Variants in ZBTB21 observed in about 807,000 individuals in gnomAD.
ZBTB21 encodes the protein zinc finger and BTB domain containing 21, also known as zinc finger and BTB domain-containing protein 21.
A neutral mutation model predicts 39.8 loss-of-function variants in ZBTB21; 10 were observed. The ratio of observed to expected loss-of-function variants is 0.25; its 90% CI spans 0.16 to 0.43. The LOEUF (loss-of-function observed/expected upper bound fraction) is 0.43. Ranked by LOEUF, ZBTB21 falls within the 20% of genes least tolerant of loss-of-function variation. The pLI, the probability that ZBTB21 is intolerant of heterozygous loss-of-function variation, is 1.00. For missense variants in ZBTB21, 1,221 were observed against 1,296.3 expected (o/e 0.94, Z 0.89); for synonymous variants, 551 against 498.8 (o/e 1.10, Z -1.40).
chr21:42,002,032 G>A (rs141431304), intron 2 of ZBTB21, among the ~76,000 whole-genome samples: 148 of 152,298 alleles, frequency 9.7e-4, no homozygotes, highest in Non-Finnish European at 1.8e-3. Context: ...TGCCCATGAG[G>A]CTGGAGGAAG....
chr21:42,006,084 C>T (rs2065874812), intron 1 of ZBTB21, among the ~76,000 whole-genome samples: 1 of 152,158 alleles, frequency 6.6e-6, no homozygotes, highest in Non-Finnish European at 1.5e-5. Context: ...AAAACAATGA[C>T]TAAAGGTCTC....
chr21:42,002,165 C>T (rs916738078), intron 2 of ZBTB21, among the ~76,000 whole-genome samples: 11 of 152,180 alleles, frequency 7.2e-5, no homozygotes, highest in African/African-American at 2.4e-4. Flanking sequence ...AGATAGGAGA[C>T]AGGGGTAGCT....
chr21:42,009,383 G>A (rs1056704630), intron 1 of ZBTB21: 2 of 152,290 alleles, frequency 1.3e-5, no homozygotes, highest in Non-Finnish European at 2.9e-5. Flanking sequence ...CGAAAAGCCG[G>A]GAAGAGATGT....
Position 41,991,542 on chromosome 21 carries a change from C to T in ZBTB21, c.2554G>A (p.Glu852Lys). Reference sequence around the variant, plus strand: ...TCTTCCGAGTCGAAGTTAACTTGTTCTGAAGAATCACTGAACACGTTGTCG... The same window carrying T: ...TCTTCCGAGTCGAAGTTAACTTGTTTTGAAGAATCACTGAACACGTTGTCG... The part of the protein sequence containing the change: ...KDDNVFSDSS[E>K]QVNFDSEDSS... The change falls in exon 3 of 3, where the codon GAA (glutamate) becomes AAA (lysine). Residue 852 changes from glutamate (E) to lysine (K), a missense_variant. Transcript: ENST00000310826. The surrounding 1 kb of genome is among the most constrained non-coding windows in gnomAD (Gnocchi z 4.9). 1 of 1,614,202 alleles carries T rather than the reference C, an allele frequency of 6.2e-7. No individual in the cohort carries two copies. Among genetic ancestry groups the T allele is most frequent in the Non-Finnish European group, 8.5e-7 (1 of 1,180,044 alleles).
Position 41,986,989 on chromosome 21 carries a change from TAAGTA to T in ZBTB21, c.*3901_*3905del, listed in dbSNP as rs200774845. The stretch of plus-strand genomic sequence containing the variant: ...TTTTCAGTTCGAAAAAGCTTATTCC[TAAGTA>T]AAATGGAAAAATGACTTACTCTGCT... On this transcript the variant is annotated 3_prime_UTR_variant, in exon 3 of 3. Coordinates refer to ENST00000310826, the MANE Select transcript of ZBTB21 (RefSeq NM_001098402.2). 1 of 152,634 alleles carries T rather than the reference TAAGTA, an allele frequency of 6.6e-6. No homozygotes were observed. The highest frequency in any genetic ancestry group is 2.4e-5 in the African/African-American group (1 of 41,456). 9.5% of individuals were successfully genotyped at this position (152,634 alleles called of 1,614,324 possible). A position where few individuals can be genotyped will look rare whatever the true frequency, so the allele number is the denominator to read the frequency against.
Position 41,990,749 on chromosome 21 carries a change from T to A in ZBTB21, c.*146A>T. On this transcript the variant is annotated 3_prime_UTR_variant, in exon 3 of 3. Coordinates refer to ENST00000310826, the MANE Select transcript of ZBTB21 (RefSeq NM_001098402.2). Reference sequence around the variant, plus strand: ...AGTTAAGGACATTACTAAGTAATTATCAATTTGCCTCCAACTTAATTTCAA... The same window carrying A: ...AGTTAAGGACATTACTAAGTAATTAACAATTTGCCTCCAACTTAATTTCAA... The A allele has an allele frequency of 1.3e-6, 1 of 750,956 alleles. No individual in the cohort carries two copies. The highest frequency in any genetic ancestry group is 2.0e-6 in the Non-Finnish European group (1 of 511,634). 46.5% of individuals were successfully genotyped at this position (750,956 alleles called of 1,614,324 possible).
In ZBTB21 at chr21:41,991,309, C is replaced by A. The variant is rs947543260; in HGVS notation, c.2787G>T (p.Glu929Asp). 2 of 1,611,458 alleles carry A rather than the reference C, an allele frequency of 1.2e-6. No individual in the cohort carries two copies. The highest frequency in any genetic ancestry group is 1.7e-6 in the Non-Finnish European group (2 of 1,178,584). ...TAAATGGTTTCACAGAGCACAGAAG[C>A]TCCTGGTGACGCTCCAGCTGCTTAT... Reference protein sequence around the residue: ...TVHKQLERHQELLCSVKPFIC... With the variant: ...TVHKQLERHQDLLCSVKPFIC... Residue 929 changes from glutamate to aspartate, a missense_variant, in exon 3 of 3, where the codon GAG (glutamate) becomes GAT (aspartate). Transcript: ENST00000310826. The surrounding 1 kb of genome is among the most constrained non-coding windows in gnomAD (Gnocchi z 4.9).
rs760081835 is a variant in ZBTB21 at position 41,988,625 on chromosome 21, C to T, written c.*2270G>A. On this transcript the variant is annotated 3_prime_UTR_variant, in exon 3 of 3. Coordinates refer to ENST00000310826, the MANE Select transcript of ZBTB21 (RefSeq NM_001098402.2). ...ATAAAAAGTAATAGAAAAACCAGAA[C>T]GGCATTATAAATGTTTTTGGTTCAA... is the stretch of plus-strand genomic sequence containing the variant. 7.9e-5 allele frequency: 12 copies of T among 152,022 alleles called. No individual in the cohort carries two copies. Among genetic ancestry groups the T allele is most frequent in the Admixed American group, 5.9e-4 (9 of 15,264 alleles). 9.4% of individuals were successfully genotyped at this position (152,022 alleles called of 1,614,324 possible). A position where few individuals can be genotyped will look rare whatever the true frequency, so the allele number is the denominator to read the frequency against.
rs2065590776 is a variant in ZBTB21 at position 41,987,321 on chromosome 21, G to A, written c.*3574C>T. ...CCTCCAGAATCTAAACACCAATTTT[G>A]TCTTCTCCCCAGTCACATGGGAATG... On this transcript the variant is annotated 3_prime_UTR_variant, in exon 3 of 3. Transcript: ENST00000310826. 1 of 152,060 alleles carries A rather than the reference G, an allele frequency of 6.6e-6. No individual in the cohort carries two copies. The highest frequency in any genetic ancestry group is 6.5e-5 in the Admixed American group (1 of 15,272). 9.4% of individuals were successfully genotyped at this position (152,060 alleles called of 1,614,324 possible).
At chr21:41,995,535 A>C (rs1490519159) in intron 2 of ZBTB21, among the ~76,000 whole-genome samples, 1 of 152,230 alleles carries the variant, frequency 6.6e-6, no homozygotes, top group African/African-American at 2.4e-5. Flanking sequence ...TAGAGGCATT[A>C]AGTTTTATAA....
Position 41,992,722 on chromosome 21 carries a change from T to C in ZBTB21, c.1374A>G (p.Ser458=). ...ACAGGTCTCTTGTGACCGACGAAGA[T>C]GAGGCAGCTGCTGTTGTTGCCGCAT... The part of the protein sequence containing the change: ...VGDAATTAAA[S]SSSVTRDLSL... Residue 458 remains serine (S), a synonymous_variant, in exon 3 of 3, where the codon TCA becomes TCG. Coordinates refer to ENST00000310826, the MANE Select transcript of ZBTB21 (RefSeq NM_001098402.2). This position sits in a 1 kb window ranked among gnomAD's most constrained non-coding sequence, Gnocchi z 4.1. The C allele has an allele frequency of 1.2e-6, 2 of 1,614,204 alleles. No individual in the cohort carries two copies. The highest frequency in any genetic ancestry group is 1.7e-6 in the Non-Finnish European group (2 of 1,180,034).
rs1159987871 is a variant in ZBTB21 at position 41,992,822 on chromosome 21, G to C, written c.1274C>G (p.Thr425Ser). ...STDREGASPV[T>S]EVRIKTEPSS... ...GGGCTCAGTCTTTATGCGCACCTCA[G>C]TCACAGGGGAAGCTCCCTCCCTGTC... is the stretch of plus-strand genomic sequence containing the variant. Residue 425 changes from threonine to serine, a missense_variant, in exon 3 of 3, where the codon ACT becomes AGT. Physicochemically the swap from Thr to Ser is moderately conservative, Grantham distance 58 (BLOSUM62 1). Around this residue, in one of 4 missense-constraint regions of ZBTB21, gnomAD observed 500 missense variants for 465.6 expected, o/e 1.07. Coordinates refer to ENST00000310826, the MANE Select transcript of ZBTB21 (RefSeq NM_001098402.2). The surrounding 1 kb of genome is among the most constrained non-coding windows in gnomAD (Gnocchi z 4.1). 1 of 1,614,108 alleles carries C rather than the reference G, an allele frequency of 6.2e-7. No homozygotes were observed. Among genetic ancestry groups the C allele is most frequent in the Admixed American group, 1.7e-5 (1 of 60,022 alleles).
chr21:41,991,543 T>G lies in ZBTB21; in HGVS notation c.2553A>C (p.Ser851=), dbSNP rs2065655545. 4 of 1,614,108 alleles carry G rather than the reference T, an allele frequency of 2.5e-6. No individual in the cohort carries two copies. The African/African-American group carries it at 5.3e-5, about 22-fold the overall frequency. ...CTTCCGAGTCGAAGTTAACTTGTTC[T>G]GAAGAATCACTGAACACGTTGTCGT... ...TKDDNVFSDS[S]EQVNFDSEDS... The change falls in exon 3 of 3, where the codon TCA becomes TCC. Residue 851 remains serine, a synonymous_variant. Transcript: ENST00000310826. This position sits in a 1 kb window ranked among gnomAD's most constrained non-coding sequence, Gnocchi z 4.9.
rs2065657510 is a variant in ZBTB21 at position 41,991,610 on chromosome 21, T to C, written c.2486A>G (p.Gln829Arg). The change falls in exon 3 of 3, where the codon CAG becomes CGG. Residue 829 changes from glutamine (Q) to arginine (R), a missense_variant. Gln to Arg is a conservative substitution (Grantham distance 43). Transcript: ENST00000310826. The surrounding 1 kb of genome is among the most constrained non-coding windows in gnomAD (Gnocchi z 4.9). ...GTGGTTTACTTTGTTGGGCTCAGGCTGGGATTGGGGCCTTGAAGAACCAGT... is the reference window on the plus strand; with the variant it reads ...GTGGTTTACTTTGTTGGGCTCAGGCCGGGATTGGGGCCTTGAAGAACCAGT... ...DVTGSSRPQSQPEPNKVNHIV... is the reference protein window; with the variant it reads ...DVTGSSRPQSRPEPNKVNHIV... The C allele has an allele frequency of 1.2e-6, 2 of 1,614,074 alleles. No individual in the cohort carries two copies. Among genetic ancestry groups the C allele is most frequent in the Non-Finnish European group, 1.7e-6 (2 of 1,180,028 alleles).
At chr21:41,997,955 C>T (rs1264218603) in intron 2 of ZBTB21, among the ~76,000 whole-genome samples, 1 of 151,906 alleles carries the variant, frequency 6.6e-6, no homozygotes, top group Admixed American at 6.6e-5. Flanking sequence ...GACAACTGTG[C>T]CCTCCTCTTG....
rs991842481 is a variant in ZBTB21 at position 41,989,094 on chromosome 21, T to C, written c.*1801A>G. On this transcript the variant is annotated 3_prime_UTR_variant, in exon 3 of 3. Coordinates refer to ENST00000310826, the MANE Select transcript of ZBTB21 (RefSeq NM_001098402.2). The stretch of plus-strand genomic sequence containing the variant: ...ATAGATTTCTTTAAGAAAACAAAGA[T>C]GGCAAGAATCAATAACTGCAATTTA... The C allele has an allele frequency of 3.3e-5, 5 of 152,140 alleles. No homozygotes were observed. Among genetic ancestry groups the C allele is most frequent in the African/African-American group, 1.2e-4 (5 of 41,454 alleles). The allele number at this position is 152,140 out of a possible 1,614,324, so 9.4% of individuals were successfully genotyped here. A position where few individuals can be genotyped will look rare whatever the true frequency, so the allele number is the denominator to read the frequency against.
In ZBTB21 at chr21:41,988,559, C is replaced by G. The variant is rs2065608691; in HGVS notation, c.*2336G>C. On this transcript the variant is annotated 3_prime_UTR_variant, in exon 3 of 3. Coordinates refer to ENST00000310826, the MANE Select transcript of ZBTB21 (RefSeq NM_001098402.2). ...AGTGGAAGCATATTTTTTTTGACCA[C>G]CAAAATAAACTCTTTCAGCCTAATG... 1.3e-5 allele frequency: 2 copies of G among 151,810 alleles called. No individual in the cohort carries two copies. Among genetic ancestry groups the G allele is most frequent in the African/African-American group, 4.8e-5 (2 of 41,354 alleles). 9.4% of individuals were successfully genotyped at this position (151,810 alleles called of 1,614,324 possible). A position where few individuals can be genotyped will look rare whatever the true frequency, so the allele number is the denominator to read the frequency against.
chr21:42,007,890 T>G (rs929307396), intron 1 of ZBTB21: 1 of 152,198 alleles, frequency 6.6e-6, no homozygotes, highest in Admixed American at 6.5e-5. Context: ...TATTAGACCT[T>G]GTGACTTTAA....
In ZBTB21 at chr21:41,993,142, T is replaced by C. The variant is rs896250939; in HGVS notation, c.954A>G (p.Pro318=). 4 of 1,614,090 alleles carry C rather than the reference T, an allele frequency of 2.5e-6. No homozygotes were observed. Among genetic ancestry groups the C allele is most frequent in the Admixed American group, 3.3e-5 (2 of 60,010 alleles). The part of the protein sequence containing the change: ...LYYSKLGLVI[P]SSGSGSGNQS... ...GGTTTCCAGAACCAGATCCACTGGATGGGATCACTAAGCCTAACTTTGAAT... is the reference window on the plus strand; with the variant it reads ...GGTTTCCAGAACCAGATCCACTGGACGGGATCACTAAGCCTAACTTTGAAT... The change falls in exon 3 of 3, where the codon CCA becomes CCG. Residue 318 remains proline (P), a synonymous_variant. Coordinates refer to ENST00000310826, the MANE Select transcript of ZBTB21 (RefSeq NM_001098402.2).
Sources: gnomAD v4.1 joint callset for allele counts (sites outside exome capture counted in the v4.1 genomes callset) on GRCh38, gnomAD v4.1.1 for gene constraint, gnomAD v4.1.1 regional missense constraint, Gnocchi (gnomAD v3.1) non-coding constraint, MANE v1.5 for transcripts, NCBI Gene and HGNC (gene_info 2026-07-23, HGNC 2026-07-21) for gene names.